The following FBXL17 variants were observed in gnomAD, a reference collection of about 807,000 sequenced individuals.
FBXL17 encodes the protein F-box/LRR-repeat protein 17.
Under a neutral mutation model 66.2 loss-of-function variants are expected in FBXL17, and 22 were observed. The ratio of observed to expected loss-of-function variants is 0.33; its 90% CI spans 0.24 to 0.47. The LOEUF (loss-of-function observed/expected upper bound fraction) is 0.47, where lower values mean the gene tolerates loss of function less well. FBXL17 is among the 20% of genes least tolerant of loss of function. The probability of loss-of-function intolerance (pLI) is 1.00; values close to 1 mark genes in which losing one functional copy is unlikely to be tolerated. For missense variants in FBXL17, 878 were observed against 948.2 expected, an observed-to-expected ratio of 0.93 and a Z score of 0.97; for synonymous variants, 474 against 400.5, an observed-to-expected ratio of 1.18 and a Z score of -2.19.
intron 4 of FBXL17, among the ~76,000 whole-genome samples, chr5:108,293,437 T>C (rs1055511804): frequency 7.4e-4 from 113 of 152,292 alleles, no homozygotes; most frequent in African/African-American, 2.7e-3. Context: ...TAGAAAATAA[T>C]ATTGGAATAC....
intron 4 of FBXL17, among the ~76,000 whole-genome samples, chr5:108,274,048 A>T (rs10070394): frequency 0.51 from 75,972 of 149,910 alleles, 19,077 homozygotes; most frequent in African/African-American, 0.54. Flanking sequence ...TAATATCTAT[A>T]AGAAAGAATG....
At chr5:108,126,451 G>C (rs1040807942) in intron 6 of FBXL17, among the ~76,000 whole-genome samples, 22 of 151,732 alleles carry the variant, frequency 1.4e-4, no homozygotes. Context: ...ATTCAAATCA[G>C]ACTATATTTA....
chr5:108,363,114 C>T (rs925154419), intron 3 of FBXL17, among the ~76,000 whole-genome samples: 2 of 151,910 alleles, frequency 1.3e-5, no homozygotes, highest in Non-Finnish European at 2.9e-5. Flanking sequence ...AATCCATATT[C>T]GGATTTATGA....
At chr5:107,965,585 GCA>G (rs2112637089) in intron 7 of FBXL17, among the ~76,000 whole-genome samples, 1 of 152,262 alleles carries the variant, frequency 6.6e-6, no homozygotes, top group South Asian at 2.1e-4. Flanking sequence ...TTTGAAACTA[GCA>G]CACAGTTTCC....
chr5:108,169,352 C>T (rs1752524678), intron 6 of FBXL17, among the ~76,000 whole-genome samples: 2 of 152,132 alleles, frequency 1.3e-5, no homozygotes, highest in Non-Finnish European at 2.9e-5. Flanking sequence ...ATATCTATTT[C>T]CTCAAAGATA....
intron 1 of FBXL17, among the ~76,000 whole-genome samples, chr5:108,373,525 T>C (rs932508240): frequency 6.6e-6 from 1 of 151,528 alleles, no homozygotes; most frequent in Non-Finnish European, 1.5e-5. Flanking sequence ...ACAAAAAATA[T>C]ATAAGACATA....
intron 4 of FBXL17, among the ~76,000 whole-genome samples, chr5:108,232,919 TC>T (rs1014644292): frequency 2.7e-5 from 4 of 150,858 alleles, no homozygotes; most frequent in African/African-American, 9.8e-5. Context: ...GTGTATCTAT[TC>T]ACCAGTTGAT....
chr5:107,878,466 T>C, intron 8 of FBXL17: 1 of 644,176 alleles, frequency 1.6e-6, no homozygotes, highest in Non-Finnish European at 1.9e-6. Flanking sequence ...AGTATCATCC[T>C]CATTTTGCAA....
chr5:107,870,573 C>T (rs990787992), intron 8 of FBXL17, among the ~76,000 whole-genome samples: 6 of 151,656 alleles, frequency 4.0e-5, no homozygotes, highest in East Asian at 1.9e-4. Flanking sequence ...AGGGTACTCA[C>T]GATTAGGTAT....
chr5:108,068,898 A>T (rs980722483), intron 6 of FBXL17, among the ~76,000 whole-genome samples: 2 of 152,236 alleles, frequency 1.3e-5, no homozygotes, highest in African/African-American at 2.4e-5. Flanking sequence ...AATGAAGGAA[A>T]AAACATCAAA....
At chr5:107,899,805 A>G (rs558278879) in intron 7 of FBXL17, among the ~76,000 whole-genome samples, 27 of 152,320 alleles carry the variant, frequency 1.8e-4, no homozygotes, top group East Asian at 3.9e-4. Flanking sequence ...TTAAAATTAA[A>G]TCCTGAGGAG....
intron 4 of FBXL17, among the ~76,000 whole-genome samples, chr5:108,224,466 T>C (rs1755008129): frequency 6.6e-6 from 1 of 152,060 alleles, no homozygotes; most frequent in Non-Finnish European, 1.5e-5. Flanking sequence ...ATGTTGACAC[T>C]GGCTACCTCC....
intron 4 of FBXL17, among the ~76,000 whole-genome samples, chr5:108,293,543 T>C (rs982152568): frequency 1.3e-5 from 2 of 152,144 alleles, no homozygotes; most frequent in African/African-American, 4.8e-5. Flanking sequence ...AAATACAGCT[T>C]CAAAATTGTA....
intron 2 of FBXL17, among the ~76,000 whole-genome samples, chr5:108,366,583 G>C (rs906795467): frequency 1.3e-5 from 2 of 151,036 alleles, no homozygotes; most frequent in African/African-American, 4.9e-5. Context: ...GGGGGTTTGG[G>C]TGGGGGAGGA....
chr5:108,349,215 G>A (rs1400665953), intron 3 of FBXL17, among the ~76,000 whole-genome samples: 1 of 152,102 alleles, frequency 6.6e-6, no homozygotes, highest in African/African-American at 2.4e-5. Context: ...AGAAACATTT[G>A]ACAAAAATGT....
chr5:108,357,008 G>C (rs1290987217), intron 3 of FBXL17, among the ~76,000 whole-genome samples: 1 of 151,870 alleles, frequency 6.6e-6, no homozygotes, highest in Admixed American at 6.6e-5. Context: ...AGTCAAAAGA[G>C]CATTCACAAA....
At chr5:108,148,537 T>A (rs1157457005) in intron 6 of FBXL17, among the ~76,000 whole-genome samples, 2 of 152,192 alleles carry the variant, frequency 1.3e-5, no homozygotes, top group African/African-American at 4.8e-5. Context: ...TGCCTCAGTT[T>A]ATCTTTTATC....
chr5:108,077,611 C>A (rs1397300020), intron 6 of FBXL17, among the ~76,000 whole-genome samples: 1 of 150,636 alleles, frequency 6.6e-6, no homozygotes, highest in East Asian at 2.0e-4. Context: ...TGCAGTGAGC[C>A]ATGTTCATAC....
intron 7 of FBXL17, among the ~76,000 whole-genome samples, chr5:107,925,407 A>T (rs1026136099): frequency 6.6e-6 from 1 of 152,152 alleles, no homozygotes; most frequent in Non-Finnish European, 1.5e-5. Flanking sequence ...TTGCCCTCCC[A>T]TATTCCTTCA....
Sources: allele counts gnomAD v4.1 joint callset (sites outside exome capture counted in the v4.1 genomes callset), GRCh38; gene constraint gnomAD v4.1.1; transcripts MANE v1.5; gene names NCBI Gene and HGNC (gene_info 2026-07-23, HGNC 2026-07-21).